Variants in PREX2 observed in about 807,000 individuals in gnomAD.
The protein encoded by PREX2 is phosphatidylinositol 3,4,5-trisphosphate-dependent Rac exchanger 2 protein.
In PREX2, 107 loss-of-function variants were observed where a neutral mutation model predicts 203.2. The ratio of observed to expected loss-of-function variants is 0.53; its 90% CI spans 0.45 to 0.62. The LOEUF is 0.62. PREX2 is among the 20% of genes least tolerant of loss of function. The pLI is 0.00. For missense variants in PREX2, 1,777 were observed against 1,955.9 expected (o/e 0.91, Z 1.72); for synonymous variants, 672 against 663.6 (o/e 1.01, Z -0.19).
chr8:67,985,038 G>A (rs572013746), intron 1 of PREX2, among the ~76,000 whole-genome samples: 14 of 151,328 alleles, frequency 9.3e-5, no homozygotes, highest in Admixed American at 1.3e-4. Flanking sequence ...TAGCGACTAC[G>A]TTGTTCCAGT....
intron 7 of PREX2, among the ~76,000 whole-genome samples, chr8:68,041,204 C>T (rs1407341549): frequency 1.3e-5 from 2 of 152,066 alleles, no homozygotes; most frequent in Non-Finnish European, 2.9e-5. Context: ...ATTCCAGGTT[C>T]AGCATTTAGA....
rs1164665499 is a variant in PREX2, at chr8:68,077,449, A to C, written c.1622A>C (p.Asp541Ala). The change falls in exon 15 of 40, where the codon GAC becomes GCC. Residue 541 changes from aspartate to alanine, a missense_variant. Asp to Ala is a moderately radical substitution (Grantham distance 126). Coordinates refer to ENST00000288368, the MANE Select transcript of PREX2 (RefSeq NM_024870.4). ...ATGATATTTGGCGTTGGACTCTGTG[A>C]CAATGGATTTATGCACCATGGTAGG... ...EAMIFGVGLC[D>A]NGFMHHVLEK... is the part of the protein sequence containing the mutation. 11 of 1,612,992 alleles carry C rather than the reference A, an allele frequency of 6.8e-6. No individual in the cohort carries two copies. The highest frequency in any genetic ancestry group is 3.3e-5 in the Admixed American group (2 of 60,002).
rs1397156519 is a variant in PREX2 at position 68,234,219 on chromosome 8, C to T, written c.*2841C>T. ...ATTTTTTCAATGCCATATGTACCTC[C>T]ATGTGACATTGGGCATTAAATGGCC... On this transcript the variant is annotated 3_prime_UTR_variant, in exon 40 of 40. Coordinates refer to ENST00000288368, the MANE Select transcript of PREX2 (RefSeq NM_024870.4). The T allele has an allele frequency of 6.6e-6, 1 of 152,134 alleles. No individual in the cohort carries two copies. The highest frequency in any genetic ancestry group is 1.5e-5 in the Non-Finnish European group (1 of 68,014). The allele number at this position is 152,134 out of a possible 1,614,324, so 9.4% of individuals were successfully genotyped here.
At chr8:67,966,155 T>TG (rs1240090677) in intron 1 of PREX2, among the ~76,000 whole-genome samples, 1 of 152,216 alleles carries the variant, frequency 6.6e-6, no homozygotes, top group Non-Finnish European at 1.5e-5. Flanking sequence ...GATGAGGATT[T>TG]GGGTCAGATT....
intron 1 of PREX2, among the ~76,000 whole-genome samples, chr8:68,002,843 G>A (rs202015106): frequency 1.3e-5 from 2 of 152,168 alleles, no homozygotes; most frequent in East Asian, 1.9e-4. Context: ...GAAAAGTATA[G>A]ATATTGTAGT....
intron 24 of PREX2, 91 bp downstream of exon 24, chr8:68,108,422 G>A (rs965918010): frequency 1.2e-6 from 1 of 826,476 alleles, no homozygotes; most frequent in Non-Finnish European, 1.9e-6. Context: ...ATAGATACCT[G>A]GTGTGCAAAC....
chr8:68,013,598 C>A lies in PREX2; in HGVS notation c.142-4248C>A, dbSNP rs149712635. Among the ~76,000 whole-genome samples, 789 of 152,270 alleles carry A rather than the reference C, an allele frequency of 5.2e-3. 4 individuals are homozygous for A. Among genetic ancestry groups the A allele is most frequent in the African/African-American group, 0.018 (731 of 41,550 alleles). On this transcript the variant is annotated intron_variant, in intron 1 of 39. Transcript: ENST00000288368. ...TCATTTATTAGGACCAAACGAAGCC[C>A]TTATCTTCCAAAGAATTGTGATGTG...
chr8:68,072,842 T>A (rs1809238742), intron 14 of PREX2, among the ~76,000 whole-genome samples: 1 of 152,190 alleles, frequency 6.6e-6, no homozygotes, highest in Non-Finnish European at 1.5e-5. Context: ...TTTGAGAATC[T>A]GAAGAATAGC....
intron 31 of PREX2, among the ~76,000 whole-genome samples, chr8:68,132,246 C>T (rs1005421026): frequency 1.5e-4 from 23 of 151,848 alleles, no homozygotes; most frequent in African/African-American, 5.3e-4. Context: ...AGAAATTGTG[C>T]ACAACAAAAT....
chr8:68,033,366 G>A (rs1807942184), intron 6 of PREX2, among the ~76,000 whole-genome samples: 1 of 152,074 alleles, frequency 6.6e-6, no homozygotes, highest in Non-Finnish European at 1.5e-5. Flanking sequence ...ATAAGTAAAA[G>A]TGCTTTGAAT....
intron 1 of PREX2, among the ~76,000 whole-genome samples, chr8:68,016,290 T>C (rs1311520831): frequency 6.6e-6 from 1 of 152,222 alleles, no homozygotes; most frequent in Non-Finnish European, 1.5e-5. Context: ...TATATTCTTA[T>C]GCATCTGCAT....
At chr8:68,083,431 T>C (rs779652950) in intron 18 of PREX2, 43 bp downstream of exon 18, 7 of 1,437,790 alleles carry the variant, frequency 4.9e-6, no homozygotes, top group Non-Finnish European at 6.7e-6. Context: ...AAGTTATACA[T>C]AGATAAGTAA....
At chr8:68,148,512 A>G (rs1230463109) in intron 34 of PREX2, among the ~76,000 whole-genome samples, 1 of 152,258 alleles carries the variant, frequency 6.6e-6, no homozygotes. Flanking sequence ...AAATAGCTGA[A>G]TAATCATATC....
intron 1 of PREX2, among the ~76,000 whole-genome samples, chr8:67,974,949 G>A (rs1806031910): frequency 6.6e-6 from 1 of 152,094 alleles, no homozygotes; most frequent in Middle Eastern, 3.2e-3. Flanking sequence ...TCCTGACTGT[G>A]GTGACTCAGA....
intron 23 of PREX2, chr8:68,105,562 C>T: frequency 4.5e-6 from 5 of 1,099,504 alleles, no homozygotes; most frequent in Non-Finnish European, 5.6e-6. Flanking sequence ...CTATTCATTT[C>T]CTTTTCAGCT....
At chr8:68,080,306 C>A in intron 15 of PREX2, 137 bp from the exon 16 acceptor site, 1 of 637,862 alleles carries the variant, frequency 1.6e-6, no homozygotes. Context: ...CCCGGGGCTA[C>A]TTGTGAATGT....
intron 25 of PREX2, chr8:68,110,868 TTTTG>T (rs1004322348): frequency 2.7e-5 from 9 of 334,070 alleles, no homozygotes; most frequent in African/African-American, 2.0e-4. Flanking sequence ...AGAATTAAGA[TTTTG>T]TTTTTCTATT....
intron 5 of PREX2, among the ~76,000 whole-genome samples, chr8:68,028,018 C>G (rs1158965398): frequency 6.6e-6 from 1 of 151,934 alleles, no homozygotes; most frequent in Non-Finnish European, 1.5e-5. Flanking sequence ...ACCATAACAT[C>G]AGGATGGGCA....
chr8:67,962,763 C>T (rs1010791049), intron 1 of PREX2, among the ~76,000 whole-genome samples: 10 of 151,612 alleles, frequency 6.6e-5, no homozygotes, highest in African/African-American at 9.7e-5. Flanking sequence ...CCTGCCACCA[C>T]GCCTGGATAA....
Sources: gnomAD v4.1 joint callset for allele counts (sites outside exome capture counted in the v4.1 genomes callset) on GRCh38, gnomAD v4.1.1 for gene constraint, MANE v1.5 for transcripts, NCBI Gene and HGNC (gene_info 2026-07-23, HGNC 2026-07-21) for gene names.